Variants in MYO9B observed in about 807,000 individuals in gnomAD.
MYO9B encodes myosin IXB.
In MYO9B, 71 loss-of-function variants were observed where a neutral mutation model predicts 229.5. The observed-to-expected ratio is 0.31, with a 90% confidence interval of 0.26 to 0.38. MYO9B has a LOEUF of 0.38. Among genes scored for constraint, MYO9B ranks in the 10% least tolerant of loss-of-function variants. The probability of loss-of-function intolerance (pLI) is 1.00; values close to 1 mark genes in which losing one functional copy is unlikely to be tolerated. For synonymous variants in MYO9B, 1,185 were observed against 1,235.8 expected (o/e 0.96, Z 0.86); for missense variants, 2,255 against 2,920.5 (o/e 0.77, Z 5.25).
intron 3 of MYO9B, among the ~76,000 whole-genome samples, chr19:17,146,740 T>C (rs2072416110): frequency 6.6e-6 from 1 of 152,098 alleles, no homozygotes; most frequent in African/African-American, 2.4e-5. Context: ...GCTTGATCAG[T>C]GGATCCATGG....
At chr19:17,189,609 G>C (rs956980121) in intron 19 of MYO9B, among the ~76,000 whole-genome samples, 2 of 152,034 alleles carry the variant, frequency 1.3e-5, no homozygotes, top group African/African-American at 4.8e-5. Flanking sequence ...TCCAGCCTGG[G>C]CAAGACTCCG....
At chr19:17,084,247 A>T (rs909688257) in intron 1 of MYO9B, among the ~76,000 whole-genome samples, 16 of 151,636 alleles carry the variant, frequency 1.1e-4, no homozygotes, top group African/African-American at 3.6e-4. Context: ...CTGAGGCCGG[A>T]GGATCACTTG....
chr19:17,163,146 A>G, intron 10 of MYO9B, 24 bp downstream of exon 10: 1 of 1,545,782 alleles, frequency 6.5e-7, no homozygotes, highest in Non-Finnish European at 8.7e-7. Context: ...TTTTTTGTCA[A>G]TTTTTTGAAC....
rs754857021 is a variant in MYO9B, at chr19:17,205,972, G to A, written c.5077G>A (p.Val1693Ile). The change falls in exon 32 of 40, where the codon GTT (valine) becomes ATT (isoleucine). Residue 1693 changes from valine (V) to isoleucine (I), a missense_variant. Transcript: ENST00000682292. ...YTYGRKGEPG[V>I]EPGHFGVCVD... ...CCCGGCACTGCAGGGCGAGCCAGGC[G>A]TTGAGCCTGGCCACTTCGGCGTGTG... 7.0e-6 allele frequency: 11 copies of A among 1,563,168 alleles called. No individual in the cohort carries two copies. Among genetic ancestry groups the A allele is most frequent in the East Asian group, 4.5e-5 (2 of 44,194 alleles).
chr19:17,197,407 G>GATAGATAGATAGATAC (rs1480400026), intron 22 of MYO9B, among the ~76,000 whole-genome samples: 21 of 25,296 alleles, frequency 8.3e-4, no homozygotes, highest in African/African-American at 2.2e-3. Context: ...ATAGATAGAT[G>GATAGATAGATAGATAC]ATAGATAGAT....
chr19:17,146,505 A>T (rs2072413119), intron 3 of MYO9B, among the ~76,000 whole-genome samples: 1 of 150,478 alleles, frequency 6.6e-6, no homozygotes, highest in Non-Finnish European at 1.5e-5. Flanking sequence ...AATCATAGGT[A>T]GGTGGACGAA....
chr19:17,145,397 G>T lies in MYO9B; in HGVS notation c.841G>T (p.Ala281Ser). 1.2e-6 allele frequency: 2 copies of T among 1,613,802 alleles called. No homozygotes were observed. The highest frequency in any genetic ancestry group is 1.7e-6 in the Non-Finnish European group (2 of 1,179,760). Residue 281 changes from alanine (A) to serine (S), a missense_variant and splice_region_variant, in exon 3 of 40, where the codon GCT becomes TCT. By Grantham distance (99) the Ala-to-Ser change is moderately conservative (BLOSUM62 1). Transcript: ENST00000682292. ...TILGAGPVLEAFGNAKTAHNN... is the reference protein window; with the variant it reads ...TILGAGPVLESFGNAKTAHNN... ...AAACCTGCTTTTGATTTCCTTGCAG[G>T]CTTTTGGAAATGCCAAGACAGCCCA...
intron 14 of MYO9B, among the ~76,000 whole-genome samples, chr19:17,176,586 G>A (rs2072792328): frequency 6.6e-6 from 1 of 152,202 alleles, no homozygotes; most frequent in Non-Finnish European, 1.5e-5. Context: ...CAGAATAGCA[G>A]GCCGTGGTGC....
chr19:17,156,319 TAGG>T (rs977242577), intron 6 of MYO9B, among the ~76,000 whole-genome samples: 1 of 151,446 alleles, frequency 6.6e-6, no homozygotes, highest in African/African-American at 2.4e-5. Context: ...GAGGCTGAGA[TAGG>T]AGGCTCAACT....
At chr19:17,162,507 G>T in intron 9 of MYO9B, 41 bp downstream of exon 9, 1 of 1,498,780 alleles carries the variant, frequency 6.7e-7, no homozygotes, top group Non-Finnish European at 9.0e-7. Context: ...GGCCAGGGGA[G>T]GCCACATCCT....
At position 17,188,067 on chromosome 19, in the gene MYO9B, CT is replaced by C. The variant is rs2072939059; in HGVS notation, c.2688+23del. The C allele has an allele frequency of 5.8e-6, 9 of 1,542,840 alleles. No homozygotes were observed. The East Asian group carries it at 2.2e-4, about 37-fold the overall frequency. The stretch of plus-strand genomic sequence containing the variant: ...CCAGGTAGGCCACAAGCACATATAC[CT>C]GGACACACCTGTTCCGTGGCAAAGG... On this transcript the variant is annotated intron_variant, in intron 19 of 39. Transcript: ENST00000682292.
chr19:17,163,441 G>A (rs925629373), intron 10 of MYO9B, among the ~76,000 whole-genome samples: 2 of 136,408 alleles, frequency 1.5e-5, no homozygotes, highest in Non-Finnish European at 3.0e-5. Context: ...TATAATCATA[G>A]CTTACTGCAG....
chr19:17,114,717 G>A (rs1193596001), intron 2 of MYO9B, among the ~76,000 whole-genome samples: 1 of 152,022 alleles, frequency 6.6e-6, no homozygotes, highest in Non-Finnish European at 1.5e-5. Flanking sequence ...TGGATTCTGT[G>A]GTCCTCCCTG....
chr19:17,203,244 C>T lies in MYO9B; in HGVS notation c.4976C>T (p.Ala1659Val). ...CLSYIWLMDK[A>V]LLCSVCKMTC... The stretch of plus-strand genomic sequence containing the variant: ...TCCTATATCTGGCTCATGGACAAGG[C>T]CCTGCTCTGCAGCGGTGAGTGGCTC... The change falls in exon 30 of 40, where the codon GCC (alanine) becomes GTC (valine). Residue 1659 changes from alanine to valine, a missense_variant. Around this residue, in one of 7 missense-constraint regions of MYO9B, gnomAD observed 416 missense variants for 605.5 expected, o/e 0.69. Coordinates refer to ENST00000682292, the MANE Select transcript of MYO9B (RefSeq NM_004145.4). 1 of 1,557,480 alleles carries T rather than the reference C, an allele frequency of 6.4e-7. No homozygotes were observed. The highest frequency in any genetic ancestry group is 1.4e-5 in the African/African-American group (1 of 73,434).
At chr19:17,107,773 A>G (rs560614227) in intron 2 of MYO9B, among the ~76,000 whole-genome samples, 129 of 152,264 alleles carry the variant, frequency 8.5e-4, no homozygotes, top group African/African-American at 3.0e-3. Flanking sequence ...TAACAAGGAC[A>G]CCACTCATGG....
chr19:17,078,000 C>T (rs1259780782), intron 1 of MYO9B, among the ~76,000 whole-genome samples: 5 of 152,116 alleles, frequency 3.3e-5, no homozygotes, highest in Admixed American at 1.3e-4. Context: ...CAGGTAGAGA[C>T]GTGGGAATCT....
chr19:17,181,554 G>A (rs1051869583), intron 15 of MYO9B, among the ~76,000 whole-genome samples: 3 of 152,184 alleles, frequency 2.0e-5, no homozygotes, highest in African/African-American at 7.2e-5. Context: ...TCTGCTTTCA[G>A]CCTGCAAATG....
At chr19:17,118,627 G>A (rs893253721) in intron 2 of MYO9B, among the ~76,000 whole-genome samples, 12 of 151,912 alleles carry the variant, frequency 7.9e-5, no homozygotes, top group African/African-American at 1.9e-4. Flanking sequence ...GACTACAGGC[G>A]TGCGCCATCA....
intron 1 of MYO9B, among the ~76,000 whole-genome samples, chr19:17,076,199 C>T (rs1415378533): frequency 1.4e-5 from 2 of 146,908 alleles, no homozygotes; most frequent in African/African-American, 5.1e-5. Flanking sequence ...TGGGGAGGCA[C>T]GGAGGCGGGA....
Sources: gnomAD v4.1 joint callset for allele counts (sites outside exome capture counted in the v4.1 genomes callset) on GRCh38, gnomAD v4.1.1 for gene constraint, gnomAD v4.1.1 regional missense constraint, MANE v1.5 for transcripts, NCBI Gene and HGNC (gene_info 2026-07-23, HGNC 2026-07-21) for gene names.